Variants in NTRK3 observed in about 807,000 individuals in gnomAD.
NTRK3 encodes the protein neurotrophic receptor tyrosine kinase 3.
In NTRK3, 24 loss-of-function variants were observed where a neutral mutation model predicts 91.7. The observed-to-expected ratio is 0.26, with a 90% CI of 0.19 to 0.37. The LOEUF (loss-of-function observed/expected upper bound fraction) is 0.37. Among genes scored for constraint, NTRK3 ranks in the 10% least tolerant of loss-of-function variants. NTRK3 has a pLI of 1.00. For synonymous variants in NTRK3, 483 were observed against 404.0 expected (o/e 1.20, Z -2.34); for missense variants, 880 against 1,068.9 (o/e 0.82, Z 2.46).
exon 16 of NTRK3, chr15:87,933,074 A>T (rs1303839085): frequency 1.2e-6 from 2 of 1,614,130 alleles, no homozygotes; most frequent in Non-Finnish European, 1.7e-6. Context: ...GGGGGTCCCC[A>T]TCGCCGCACA....
intron 17 of NTRK3, among the ~76,000 whole-genome samples, chr15:87,890,955 A>T (rs1263264972): frequency 6.6e-6 from 1 of 152,170 alleles, no homozygotes; most frequent in African/African-American, 2.4e-5. Flanking sequence ...CTTAAGAGAA[A>T]AAATATCATG....
intron 17 of NTRK3, among the ~76,000 whole-genome samples, chr15:87,896,013 C>A (rs2066101425): frequency 6.6e-6 from 1 of 152,050 alleles, no homozygotes; most frequent in Non-Finnish European, 1.5e-5. Context: ...CTGAACCAAA[C>A]AAATATATTT....
chr15:87,893,598 C>T (rs1017113254), intron 17 of NTRK3, among the ~76,000 whole-genome samples: 3 of 152,166 alleles, frequency 2.0e-5, no homozygotes, highest in Non-Finnish European at 2.9e-5. Flanking sequence ...GGGAACCCAC[C>T]GCTTTGGGTT....
intron 14 of NTRK3, among the ~76,000 whole-genome samples, chr15:88,010,990 C>T (rs184748112): frequency 6.6e-6 from 1 of 152,324 alleles, no homozygotes; most frequent in East Asian, 1.9e-4. Flanking sequence ...CCACACTACC[C>T]ATGAAGGGAT....
At chr15:87,979,040 A>C in intron 14 of NTRK3, 1 of 483,044 alleles carries the variant, frequency 2.1e-6, no homozygotes, top group Non-Finnish European at 3.7e-6. Flanking sequence ...AGTGTATTTA[A>C]AAGATGCTCC....
chr15:87,967,149 A>G (rs1024978081), intron 14 of NTRK3, among the ~76,000 whole-genome samples: 1 of 152,264 alleles, frequency 6.6e-6, no homozygotes, highest in East Asian at 1.9e-4. Context: ...ATTAAGCAAC[A>G]TTTGCTCATG....
chr15:87,976,502 A>G (rs1567173277), intron 14 of NTRK3, among the ~76,000 whole-genome samples: 1 of 152,144 alleles, frequency 6.6e-6, no homozygotes, highest in Non-Finnish European at 1.5e-5. Flanking sequence ...TCCACCCAGG[A>G]GCCTTTTCCC....
At chr15:88,061,136 A>G (rs1408175062) in intron 13 of NTRK3, among the ~76,000 whole-genome samples, 10 of 152,196 alleles carry the variant, frequency 6.6e-5, no homozygotes, top group African/African-American at 2.4e-4. Context: ...GCATCAGGTA[A>G]TAACTTGTTT....
chr15:87,979,862 A>G lies in NTRK3; in HGVS notation c.1586-39109T>C, dbSNP rs548023923. Among the ~76,000 whole-genome samples the G allele has an allele frequency of 2.0e-5, 3 of 152,220 alleles. No homozygotes were observed. In the South Asian group the frequency reaches 6.2e-4, roughly 32 times the overall value. On this transcript the variant is annotated intron_variant, in intron 14 of 18. Coordinates refer to ENST00000394480, the Ensembl canonical transcript of NTRK3. ...TGCACTGTAGGGTCACTTAGGGGCTAAGGGATGGGAGGAGAAGGCTATGCT... is the reference window on the plus strand; with the variant it reads ...TGCACTGTAGGGTCACTTAGGGGCTGAGGGATGGGAGGAGAAGGCTATGCT...
chr15:88,127,270 G>A (rs1345797709), intron 11 of NTRK3, 44 bp from the exon 12 acceptor site: 1 of 1,544,400 alleles, frequency 6.5e-7, no homozygotes. Flanking sequence ...TAGCTTCCCG[G>A]CTGGGGAGGC....
At chr15:88,208,052 G>C (rs1220614349) in intron 3 of NTRK3, among the ~76,000 whole-genome samples, 2 of 152,098 alleles carry the variant, frequency 1.3e-5, no homozygotes, top group East Asian at 3.9e-4. Context: ...CCCTGCAATG[G>C]GATCTGTTGC....
At chr15:88,198,249 TC>T (rs2048001968) in intron 3 of NTRK3, among the ~76,000 whole-genome samples, 1 of 152,060 alleles carries the variant, frequency 6.6e-6, no homozygotes, top group Non-Finnish European at 1.5e-5. Flanking sequence ...GCCACCCCCT[TC>T]CCATCCTTAC....
chr15:88,002,335 G>T (rs1596623743), intron 14 of NTRK3, among the ~76,000 whole-genome samples: 1 of 152,020 alleles, frequency 6.6e-6, no homozygotes, highest in Admixed American at 6.6e-5. Context: ...GATGGATAAT[G>T]GAAGGCCTTG....
At chr15:88,051,920 A>T (rs1163562715) in intron 13 of NTRK3, among the ~76,000 whole-genome samples, 1 of 152,180 alleles carries the variant, frequency 6.6e-6, no homozygotes, top group Non-Finnish European at 1.5e-5. Flanking sequence ...CCCACTTCTC[A>T]TCAAAGCAAG....
At chr15:88,105,279 T>A (rs746835013) in intron 13 of NTRK3, among the ~76,000 whole-genome samples, 1 of 152,166 alleles carries the variant, frequency 6.6e-6, no homozygotes, top group East Asian at 1.9e-4. Context: ...TTGGCCTGAC[T>A]GTCTACATTT....
At chr15:88,256,111 T>G in exon 3 of NTRK3, 1 of 1,536,938 alleles carries the variant, frequency 6.5e-7, no homozygotes, top group South Asian at 1.1e-5. Context: ...AGCAAGAAAA[T>G]CCGCCAGAAA....
intron 6 of NTRK3, 38 bp from the exon 7 acceptor site, chr15:88,137,599 C>T (rs757995248): frequency 1.2e-5 from 19 of 1,607,024 alleles, no homozygotes; most frequent in East Asian, 2.2e-5. Flanking sequence ...ACCTCTGAAC[C>T]GAAGATGGCC....
At chr15:87,915,095 G>A (rs1354326133) in intron 17 of NTRK3, among the ~76,000 whole-genome samples, 1 of 152,086 alleles carries the variant, frequency 6.6e-6, no homozygotes, top group Non-Finnish European at 1.5e-5. Context: ...TGATGCTGGT[G>A]ATGGGGGTGG....
rs184134331 is a variant in NTRK3 at position 88,038,243 on chromosome 15, G to C, written c.1397-5198C>G. Among the ~76,000 whole-genome samples the C allele has an allele frequency of 3.9e-5, 6 of 152,320 alleles. No homozygotes were observed. In the East Asian group the frequency reaches 9.6e-4, roughly 24 times the overall value. On this transcript the variant is annotated intron_variant, in intron 13 of 18. Coordinates refer to ENST00000394480, the Ensembl canonical transcript of NTRK3. ...CTTCTGATGTATGTCACTGCTGAATGTTCCTATTAAGCTATATCCACAGCG... is the reference window on the plus strand; with the variant it reads ...CTTCTGATGTATGTCACTGCTGAATCTTCCTATTAAGCTATATCCACAGCG...
Sources: gnomAD v4.1 joint callset for allele counts (sites outside exome capture counted in the v4.1 genomes callset) on GRCh38, gnomAD v4.1.1 for gene constraint, MANE v1.5 for transcripts, NCBI Gene and HGNC (gene_info 2026-07-23, HGNC 2026-07-21) for gene names.